Variants in CNOT10 observed in about 807,000 individuals in gnomAD.
The protein encoded by CNOT10 is CCR4-NOT transcription complex, subunit 10.
CNOT10 carries 30 observed loss-of-function variants against 94.6 expected under a neutral mutation model. The ratio of observed to expected loss-of-function variants is 0.32; its 90% CI spans 0.24 to 0.43. The LOEUF (loss-of-function observed/expected upper bound fraction) is 0.43. Among genes scored for constraint, CNOT10 ranks in the 20% least tolerant of loss-of-function variants. The pLI is 1.00. For synonymous variants in CNOT10, 289 were observed against 301.6 expected (o/e 0.96, Z 0.43); for missense variants, 759 against 877.2 (o/e 0.87, Z 1.70).
intron 13 of CNOT10, chr3:32,753,796 T>A: frequency 6.3e-7 from 1 of 1,594,158 alleles, no homozygotes; most frequent in Non-Finnish European, 8.6e-7. Context: ...CATGAACAGA[T>A]CCTTTATGGG....
chr3:32,690,146 G>C (rs1696789743), intron 1 of CNOT10, among the ~76,000 whole-genome samples: 2 of 152,150 alleles, frequency 1.3e-5, no homozygotes, highest in African/African-American at 4.8e-5. Flanking sequence ...GGTGTGATCT[G>C]ATTTATATTT....
chr3:32,755,757 C>CTTT (rs66705516), intron 13 of CNOT10, among the ~76,000 whole-genome samples: 93 of 141,274 alleles, frequency 6.6e-4, no homozygotes, highest in South Asian at 1.1e-3. Flanking sequence ...TTTTCCTTTC[C>CTTT]TTTTTTTTTT....
At position 32,762,737 on chromosome 3, in the gene CNOT10, T is replaced by C. The variant is rs200695737; in HGVS notation, c.1714T>C (p.Leu572=). Residue 572 remains leucine, a synonymous_variant, in exon 15 of 19, where the codon TTG becomes CTG. Coordinates refer to ENST00000328834, the MANE Select transcript of CNOT10 (RefSeq NM_015442.3). ...QPKLSGSLKF[L]GHLYAAEALI... The stretch of plus-strand genomic sequence containing the variant: ...GAATCTGTTTTTTCATTTTAGGTTT[T>C]TGGGACATTTATATGCTGCAGAAGC... The C allele has an allele frequency of 1.8e-5, 29 of 1,584,588 alleles. No homozygotes were observed. In the Admixed American group the frequency reaches 3.6e-4, roughly 20 times the overall value.
At chr3:32,772,972 C>CATT (rs879768962) in intron 18 of CNOT10, among the ~76,000 whole-genome samples, 4,346 of 152,132 alleles carry the variant, frequency 0.029, 111 homozygotes, top group East Asian at 0.11. Flanking sequence ...TTCAAGCAGC[C>CATT]CTCCTGCCTC....
intron 8 of CNOT10, 21 bp from the exon 9 acceptor site, chr3:32,725,429 A>G: frequency 1.2e-6 from 2 of 1,611,088 alleles, no homozygotes; most frequent in Non-Finnish European, 1.7e-6. Context: ...CTGTGGACAA[A>G]TTTATTTGCA....
intron 13 of CNOT10, among the ~76,000 whole-genome samples, chr3:32,739,666 G>A (rs1343495650): frequency 6.6e-6 from 1 of 151,988 alleles, no homozygotes; most frequent in African/African-American, 2.4e-5. Context: ...TCATGCCTGT[G>A]ATCCCAGCAC....
rs1166932239 is a variant in CNOT10, at chr3:32,693,906, G to A, written c.22+8424G>A. On this transcript the variant is annotated intron_variant, in intron 1 of 18. Coordinates refer to ENST00000328834, the MANE Select transcript of CNOT10 (RefSeq NM_015442.3). ...TGACTGAATATTGATTTATACTTGTGAATTTAAATTGAAACCTTATTGCAG... is the reference window on the plus strand; with the variant it reads ...TGACTGAATATTGATTTATACTTGTAAATTTAAATTGAAACCTTATTGCAG... Among the ~76,000 whole-genome samples, 4 of 152,184 alleles carry A rather than the reference G, an allele frequency of 2.6e-5. No individual in the cohort carries two copies. The East Asian group carries it at 5.8e-4, about 22-fold the overall frequency.
At chr3:32,732,112 T>A (rs887625033) in intron 10 of CNOT10, among the ~76,000 whole-genome samples, 1 of 151,590 alleles carries the variant, frequency 6.6e-6, no homozygotes, top group Non-Finnish European at 1.5e-5. Context: ...TTTTTCTGGC[T>A]GGGCGCGGTA....
intron 13 of CNOT10, among the ~76,000 whole-genome samples, chr3:32,745,302 T>TA (rs1205485726): frequency 1.3e-5 from 2 of 151,962 alleles, no homozygotes; most frequent in African/African-American, 4.8e-5. Context: ...TAGTTTTTTT[T>TA]ATTATTATAT....
intron 1 of CNOT10, chr3:32,695,513 T>C (rs1575203323): frequency 1.0e-5 from 15 of 1,451,412 alleles, no homozygotes; most frequent in Non-Finnish European, 1.2e-5. Context: ...ATGATTAACA[T>C]TCTGTATTGG....
At chr3:32,686,269 T>C (rs1279759142) in intron 1 of CNOT10, among the ~76,000 whole-genome samples, 1 of 152,228 alleles carries the variant, frequency 6.6e-6, no homozygotes, top group East Asian at 1.9e-4. Flanking sequence ...ATATTCTTTG[T>C]GGCATCCAGG....
chr3:32,694,777 A>G (rs1457546196), intron 1 of CNOT10, among the ~76,000 whole-genome samples: 1 of 151,956 alleles, frequency 6.6e-6, no homozygotes, highest in Non-Finnish European at 1.5e-5. Flanking sequence ...TTTAGTAGAG[A>G]TGGGGGTTTC....
At chr3:32,691,426 G>T (rs907279952) in intron 1 of CNOT10, among the ~76,000 whole-genome samples, 1 of 152,042 alleles carries the variant, frequency 6.6e-6, no homozygotes. Context: ...CTCCCAAAGT[G>T]CTGGGATTAA....
intron 17 of CNOT10, chr3:32,769,465 A>G (rs1257800529): frequency 5.6e-6 from 1 of 178,064 alleles, no homozygotes; most frequent in African/African-American, 2.3e-5. Flanking sequence ...GACCTCAAAC[A>G]TGCTACGTGG....
At chr3:32,706,108 A>G (rs1277393226) in intron 3 of CNOT10, among the ~76,000 whole-genome samples, 1 of 151,844 alleles carries the variant, frequency 6.6e-6, no homozygotes, top group African/African-American at 2.4e-5. Context: ...AGGCCTTCTG[A>G]CTCTTGAGCC....
chr3:32,716,331 G>A lies in CNOT10; in HGVS notation c.660+20G>A. 1.7e-6 allele frequency: 2 copies of A among 1,191,498 alleles called. No individual in the cohort carries two copies. The highest frequency in any genetic ancestry group is 2.5e-6 in the Non-Finnish European group (2 of 810,590). The allele number at this position is 1,191,498 out of a possible 1,614,324, so 73.8% of individuals were successfully genotyped here. On this transcript the variant is annotated intron_variant, in intron 6 of 18. Transcript: ENST00000328834. ...CATCAGGTAGTATAAATTTTAAAGG[G>A]GGGCAATACATCACATATATTTAAT...
At chr3:32,766,652 G>T (rs1319380776) in intron 17 of CNOT10, among the ~76,000 whole-genome samples, 1 of 149,882 alleles carries the variant, frequency 6.7e-6, no homozygotes, top group African/African-American at 2.4e-5. Context: ...AAAAAAAAGT[G>T]AATTATAAAT....
chr3:32,769,763 T>TC (rs1172357694), intron 17 of CNOT10, 124 bp from the exon 18 acceptor site: 2 of 717,292 alleles, frequency 2.8e-6, no homozygotes, highest in East Asian at 5.1e-5. Context: ...CAACAGGTAG[T>TC]CCCTAGGAAG....
At chr3:32,704,019 C>A in intron 2 of CNOT10, 57 bp downstream of exon 2, 1 of 1,025,738 alleles carries the variant, frequency 9.7e-7, no homozygotes, top group Admixed American at 2.4e-5. Flanking sequence ...AAGTATGAAT[C>A]TTTTCATAGT....
Sources: allele counts gnomAD v4.1 joint callset (sites outside exome capture counted in the v4.1 genomes callset), GRCh38; gene constraint gnomAD v4.1.1; transcripts MANE v1.5; gene names NCBI Gene and HGNC (gene_info 2026-07-23, HGNC 2026-07-21).